Variants in ACER2 observed in about 807,000 individuals in gnomAD.
ACER2 encodes the protein alkaline ceramidase 2.
In ACER2, 26 loss-of-function variants were observed where a neutral mutation model predicts 34.7. The ratio of observed to expected loss-of-function variants is 0.75; its 90% CI spans 0.55 to 1.04. The LOEUF (loss-of-function observed/expected upper bound fraction) is 1.04. Among genes scored for constraint, ACER2 ranks in the 50% least tolerant of loss-of-function variants. The pLI, the probability that ACER2 is intolerant of heterozygous loss-of-function variation, is 0.00. For missense variants in ACER2, 352 were observed against 340.8 expected (o/e 1.03, Z -0.26); for synonymous variants, 138 against 132.1 (o/e 1.04, Z -0.31).
intron 4 of ACER2, among the ~76,000 whole-genome samples, chr9:19,442,804 G>T (rs1831199648): frequency 1.3e-5 from 2 of 150,950 alleles, no homozygotes; most frequent in African/African-American, 2.4e-5. Context: ...GTATTTTATA[G>T]TGCCTAGCAT....
At position 19,424,012 on chromosome 9, in the gene ACER2, G is replaced by C. The variant is rs78074656; in HGVS notation, c.223+36G>C. 10 of 1,494,140 alleles carry C rather than the reference G, an allele frequency of 6.7e-6. No homozygotes were observed. In the East Asian group the frequency reaches 2.3e-4, roughly 34 times the overall value. 92.6% of individuals were successfully genotyped at this position (1,494,140 alleles called of 1,614,324 possible). A position where few individuals can be genotyped will look rare whatever the true frequency, so the allele number is the denominator to read the frequency against. ...TCATTTGGGAACACGGACTTAATGG[G>C]GTGGTGGGATGGGGGTAGAAGGAAT... On this transcript the variant is annotated intron_variant, in intron 2 of 5. Coordinates refer to ENST00000340967, the MANE Select transcript of ACER2 (RefSeq NM_001010887.3).
intron 3 of ACER2, among the ~76,000 whole-genome samples, chr9:19,433,311 G>T (rs960626335): frequency 1.1e-4 from 17 of 151,996 alleles, no homozygotes; most frequent in African/African-American, 3.6e-4. Context: ...GCCTTCCGCA[G>T]CGTTTGGGTC....
chr9:19,443,325 C>A (rs779125885), intron 4 of ACER2, among the ~76,000 whole-genome samples: 4 of 152,220 alleles, frequency 2.6e-5, no homozygotes, highest in Non-Finnish European at 5.9e-5. Flanking sequence ...AGCCACCACG[C>A]CCGGCACATT....
chr9:19,414,216 C>T (rs1830169751), intron 1 of ACER2, among the ~76,000 whole-genome samples: 1 of 152,142 alleles, frequency 6.6e-6, no homozygotes, highest in Admixed American at 6.5e-5. Context: ...ATCCCAGGGG[C>T]AGAAGTAAAA....
At chr9:19,423,217 C>A (rs186581623) in intron 1 of ACER2, among the ~76,000 whole-genome samples, 3 of 152,006 alleles carry the variant, frequency 2.0e-5, no homozygotes, top group African/African-American at 7.2e-5. Flanking sequence ...TCATAATTAA[C>A]CTTGCAATAA....
chr9:19,442,612 A>G (rs1831193063), intron 4 of ACER2, among the ~76,000 whole-genome samples: 1 of 152,210 alleles, frequency 6.6e-6, no homozygotes, highest in Non-Finnish European at 1.5e-5. Context: ...TCCATGCAGG[A>G]CATCTCCAAC....
chr9:19,421,941 T>G (rs1359654573), intron 1 of ACER2, among the ~76,000 whole-genome samples: 1 of 152,096 alleles, frequency 6.6e-6, no homozygotes, highest in African/African-American at 2.4e-5. Flanking sequence ...TGAGGCTTGT[T>G]GTGAGTGTGA....
intron 1 of ACER2, among the ~76,000 whole-genome samples, chr9:19,409,611 G>C (rs1227551549): frequency 6.6e-6 from 1 of 152,060 alleles, no homozygotes; most frequent in Non-Finnish European, 1.5e-5. Flanking sequence ...CTGAATACCT[G>C]CTCTCGGAGT....
intron 2 of ACER2, chr9:19,424,381 T>A: frequency 1.0e-6 from 1 of 985,422 alleles, no homozygotes; most frequent in South Asian, 4.7e-5. Context: ...AGCCTGGGAA[T>A]TCTTAACAGT....
At chr9:19,427,792 G>A (rs1403775577) in intron 3 of ACER2, among the ~76,000 whole-genome samples, 3 of 151,724 alleles carry the variant, frequency 2.0e-5, no homozygotes, top group Non-Finnish European at 4.4e-5. Context: ...TCAGCCTCCC[G>A]AGTAGCTGGG....
intron 3 of ACER2, among the ~76,000 whole-genome samples, chr9:19,427,627 C>A (rs1026564538): frequency 7.2e-6 from 1 of 138,888 alleles, no homozygotes. Flanking sequence ...TTCCCTCCCT[C>A]CCCCCCTCCT....
At chr9:19,415,121 T>C (rs1830204060) in intron 1 of ACER2, among the ~76,000 whole-genome samples, 1 of 152,160 alleles carries the variant, frequency 6.6e-6, no homozygotes. Context: ...GGCAGAAGAA[T>C]AATGTAATTT....
intron 4 of ACER2, among the ~76,000 whole-genome samples, chr9:19,442,444 C>G (rs1046961550): frequency 2.0e-5 from 3 of 152,240 alleles, no homozygotes. Flanking sequence ...TCAGCAGCTT[C>G]TAGCAGGATC....
chr9:19,434,365 C>T (rs1419742539), intron 3 of ACER2, among the ~76,000 whole-genome samples: 7 of 151,910 alleles, frequency 4.6e-5, no homozygotes, highest in East Asian at 3.9e-4. Flanking sequence ...ACTTCCCAGA[C>T]GGGGTGGCGG....
rs920588892 is a variant in ACER2, at chr9:19,450,303, T to C, written c.642-147T>C. On this transcript the variant is annotated intron_variant, in intron 5 of 5. Transcript: ENST00000340967. ...GCTATTCCAGGGATTGTTGGTAATC[T>C]TCATCCTTTCCTAATTAGAAGAGGC... The C allele has an allele frequency of 3.0e-6, 4 of 1,312,462 alleles. No homozygotes were observed. In the African/African-American group the frequency reaches 5.8e-5, roughly 19 times the overall value. The allele number at this position is 1,312,462 out of a possible 1,614,324, so 81.3% of individuals were successfully genotyped here.
At chr9:19,424,090 T>G (rs892779220) in intron 2 of ACER2, 114 bp downstream of exon 2, 188 of 1,021,482 alleles carry the variant, frequency 1.8e-4, no homozygotes, top group Non-Finnish European at 2.6e-4. Flanking sequence ...CTGAAGTCAC[T>G]CTGAGGTCTT....
intron 3 of ACER2, among the ~76,000 whole-genome samples, chr9:19,426,258 ATCTCTTTCTTTCTT>A (rs961914292): frequency 1.1e-4 from 16 of 147,686 alleles, no homozygotes; most frequent in Non-Finnish European, 2.1e-4. Context: ...TAACACATTA[ATCTCTTTCTTTCTT>A]TCTCTTTCTT....
chr9:19,429,441 C>T (rs1830683437), intron 3 of ACER2, among the ~76,000 whole-genome samples: 1 of 152,166 alleles, frequency 6.6e-6, no homozygotes, highest in African/African-American at 2.4e-5. Context: ...AAGTGATCCT[C>T]CTACCTCAGC....
intron 2 of ACER2, 187 bp from the exon 3 acceptor site, chr9:19,424,513 A>G: frequency 2.0e-6 from 2 of 985,296 alleles, no homozygotes; most frequent in Non-Finnish European, 2.4e-6. Context: ...CCTAGTTGAA[A>G]TCTTCTTTCT....
Sources: gnomAD v4.1 joint callset for allele counts (sites outside exome capture counted in the v4.1 genomes callset) on GRCh38, gnomAD v4.1.1 for gene constraint, MANE v1.5 for transcripts, NCBI Gene and HGNC (gene_info 2026-07-23, HGNC 2026-07-21) for gene names.